The following GAPVD1 variants were observed in gnomAD, a reference collection of about 807,000 sequenced individuals.
The protein encoded by GAPVD1 is GTPase-activating protein and VPS9 domain-containing protein 1.
A neutral mutation model predicts 155.5 loss-of-function variants in GAPVD1; 35 were observed. The ratio of observed to expected loss-of-function variants is 0.23; its 90% CI spans 0.17 to 0.30. The LOEUF is 0.30. Ranked by LOEUF, GAPVD1 falls within the 10% of genes least tolerant of loss-of-function variation. The probability of loss-of-function intolerance (pLI) is 1.00; values close to 1 mark genes in which losing one functional copy is unlikely to be tolerated. For synonymous variants in GAPVD1, 636 were observed against 619.7 expected, an observed-to-expected ratio of 1.03 and a Z score of -0.39; for missense variants, 1,429 against 1,775.7, an observed-to-expected ratio of 0.80 and a Z score of 3.51.
chr9:125,330,353 C>A (rs1428263136), intron 13 of GAPVD1, 135 bp downstream of exon 13: 2 of 530,194 alleles, frequency 3.8e-6, no homozygotes, highest in Admixed American at 8.1e-5. Flanking sequence ...GAGTCTTGCT[C>A]TTTTACCCAG....
chr9:125,321,381 C>T, intron 9 of GAPVD1, 52 bp from the exon 10 acceptor site: 2 of 1,378,262 alleles, frequency 1.5e-6, no homozygotes, highest in Non-Finnish European at 2.0e-6. Flanking sequence ...GGTTTGTTTC[C>T]TTATCAGTAA....
intron 2 of GAPVD1, among the ~76,000 whole-genome samples, chr9:125,271,822 C>T (rs1029965096): frequency 1.1e-4 from 17 of 151,928 alleles, no homozygotes; most frequent in Non-Finnish European, 1.2e-4. Context: ...GCTTACCCAC[C>T]GCACCTGGCC....
At chr9:125,294,658 T>TG (rs1839554139) in intron 2 of GAPVD1, among the ~76,000 whole-genome samples, 1 of 151,688 alleles carries the variant, frequency 6.6e-6, no homozygotes. Context: ...AATGGTTTTT[T>TG]TTTTTTTTTT....
chr9:125,329,209 T>C (rs1022089442), intron 12 of GAPVD1, among the ~76,000 whole-genome samples: 3 of 152,232 alleles, frequency 2.0e-5, no homozygotes, highest in African/African-American at 7.2e-5. Context: ...TTCTTGGCAG[T>C]TAGCTGTATT....
chr9:125,310,859 G>A (rs1344329235), intron 8 of GAPVD1, among the ~76,000 whole-genome samples: 1 of 138,088 alleles, frequency 7.2e-6, no homozygotes, highest in African/African-American at 2.7e-5. Context: ...TTTTTTTTTA[G>A]ACGGAGTTTC....
intron 19 of GAPVD1, among the ~76,000 whole-genome samples, chr9:125,343,968 C>G (rs1589063347): frequency 6.6e-6 from 1 of 152,294 alleles, no homozygotes; most frequent in Non-Finnish European, 1.5e-5. Flanking sequence ...TTATATTTTA[C>G]TTATCCTCTT....
chr9:125,311,628 A>T (rs1165164907), intron 8 of GAPVD1, among the ~76,000 whole-genome samples: 3 of 152,176 alleles, frequency 2.0e-5, no homozygotes. Flanking sequence ...TCTCAAAAAA[A>T]CCAACACTGA....
At chr9:125,286,752 T>G (rs1359379703) in intron 2 of GAPVD1, among the ~76,000 whole-genome samples, 2 of 151,900 alleles carry the variant, frequency 1.3e-5, no homozygotes, top group Non-Finnish European at 2.9e-5. Flanking sequence ...ATATAGACAT[T>G]AAAGATGAAA....
chr9:125,262,413 A>C (rs973439508), intron 1 of GAPVD1, among the ~76,000 whole-genome samples: 19 of 152,162 alleles, frequency 1.2e-4, no homozygotes, highest in Admixed American at 1.2e-3. Flanking sequence ...CCCACCTAAC[A>C]CAGACACTCA....
intron 4 of GAPVD1, 109 bp downstream of exon 4, chr9:125,299,215 G>A: frequency 1.7e-6 from 1 of 586,572 alleles, no homozygotes; most frequent in African/African-American, 1.9e-5. Context: ...CATTATTTAA[G>A]ATAATTTACA....
At chr9:125,338,955 GTGTA>G (rs905533237) in intron 17 of GAPVD1, among the ~76,000 whole-genome samples, 11 of 148,628 alleles carry the variant, frequency 7.4e-5, no homozygotes, top group African/African-American at 2.0e-4. Flanking sequence ...GTGTGTGTGT[GTGTA>G]TATATATTTT....
chr9:125,357,986 AACACAC>A (rs200675642), intron 25 of GAPVD1, among the ~76,000 whole-genome samples: 5 of 150,460 alleles, frequency 3.3e-5, no homozygotes, highest in East Asian at 1.9e-4. Flanking sequence ...AAAAAAAAAA[AACACAC>A]ACACACACAC....
At chr9:125,263,235 G>C (rs1006845373) in intron 1 of GAPVD1, among the ~76,000 whole-genome samples, 2 of 152,196 alleles carry the variant, frequency 1.3e-5, no homozygotes, top group African/African-American at 4.8e-5. Context: ...GGATCATTGA[G>C]GTCAAGAGAT....
intron 10 of GAPVD1, among the ~76,000 whole-genome samples, chr9:125,322,157 C>T (rs367749437): frequency 5.1e-4 from 78 of 152,180 alleles, no homozygotes; most frequent in African/African-American, 1.8e-3. Context: ...CTCCGCCTCC[C>T]GGGTTCACGC....
chr9:125,291,559 A>C (rs945049260), intron 2 of GAPVD1, among the ~76,000 whole-genome samples: 1 of 152,092 alleles, frequency 6.6e-6, no homozygotes, highest in Non-Finnish European at 1.5e-5. Context: ...GGGTCATATG[A>C]TTGTTGGAGT....
chr9:125,274,637 A>G (rs1376786494), intron 2 of GAPVD1, among the ~76,000 whole-genome samples: 1 of 151,640 alleles, frequency 6.6e-6, no homozygotes, highest in Non-Finnish European at 1.5e-5. Context: ...CTAATTTTGT[A>G]TTTTTAGTAG....
chr9:125,303,488 A>T (rs2130925525), intron 5 of GAPVD1, among the ~76,000 whole-genome samples: 1 of 150,982 alleles, frequency 6.6e-6, no homozygotes, highest in South Asian at 2.1e-4. Flanking sequence ...TAAAAAAAAA[A>T]AAAATTGGCC....
chr9:125,351,157 A>C (rs1849240090), intron 23 of GAPVD1, among the ~76,000 whole-genome samples: 1 of 152,202 alleles, frequency 6.6e-6, no homozygotes, highest in Non-Finnish European at 1.5e-5. Flanking sequence ...GGCAGCAGAC[A>C]AGAGAAGAGA....
chr9:125,299,429 G>T (rs913651266), intron 4 of GAPVD1, among the ~76,000 whole-genome samples: 5 of 152,282 alleles, frequency 3.3e-5, no homozygotes, highest in Non-Finnish European at 5.9e-5. Context: ...AGGCCAAGGC[G>T]GGTGGATCAT....
Sources: gnomAD v4.1 joint callset for allele counts (sites outside exome capture counted in the v4.1 genomes callset) on GRCh38, gnomAD v4.1.1 for gene constraint, MANE v1.5 for transcripts, NCBI Gene and HGNC (gene_info 2026-07-23, HGNC 2026-07-21) for gene names.